Variants in SDC2 observed in about 807,000 individuals in gnomAD.
The protein encoded by SDC2 is syndecan-2.
In SDC2, 13 loss-of-function variants were observed where a neutral mutation model predicts 22.2. The ratio of observed to expected loss-of-function variants is 0.59; its 90% CI spans 0.38 to 0.93. The LOEUF (loss-of-function observed/expected upper bound fraction) is 0.93, where lower values mean the gene tolerates loss of function less well. SDC2 is among the 40% of genes least tolerant of loss of function. The pLI is 0.00. For synonymous variants in SDC2, 94 were observed against 92.8 expected, an observed-to-expected ratio of 1.01 and a Z score of -0.07; for missense variants, 235 against 246.8, an observed-to-expected ratio of 0.95 and a Z score of 0.32.
intron 1 of SDC2, among the ~76,000 whole-genome samples, chr8:96,502,156 G>A (rs1044667255): frequency 6.6e-6 from 1 of 152,188 alleles, no homozygotes; most frequent in African/African-American, 2.4e-5. Flanking sequence ...CAATCATGGT[G>A]GAAGGCAAAG....
chr8:96,588,839 G>A (rs374934769), intron 1 of SDC2, among the ~76,000 whole-genome samples: 11 of 152,210 alleles, frequency 7.2e-5, no homozygotes, highest in African/African-American at 2.7e-4. Context: ...TGCTTAGTAG[G>A]TAAGGCGTTG....
rs182895342 is a variant in SDC2 at position 96,496,207 on chromosome 8, G to C, written c.60+1876G>C. Among the ~76,000 whole-genome samples the C allele has an allele frequency of 2.6e-5, 4 of 152,178 alleles. No homozygotes were observed. In the East Asian group the frequency reaches 7.7e-4, roughly 29 times the overall value. ...CTGTCTTCTGCTCCTCTGGGTTTTT[G>C]CATAAATCTACCAGTGCTCCTTAAG... On this transcript the variant is annotated intron_variant, in intron 1 of 4. Coordinates refer to ENST00000302190, the MANE Select transcript of SDC2 (RefSeq NM_002998.4).
chr8:96,515,251 T>C (rs1021307771), intron 1 of SDC2, among the ~76,000 whole-genome samples: 2 of 152,236 alleles, frequency 1.3e-5, no homozygotes, highest in Non-Finnish European at 2.9e-5. Context: ...AATGAAGTTT[T>C]TAAAATTCCA....
chr8:96,541,536 G>A (rs546590263), intron 1 of SDC2, among the ~76,000 whole-genome samples: 1 of 147,502 alleles, frequency 6.8e-6, no homozygotes, highest in Non-Finnish European at 1.5e-5. Flanking sequence ...AGGAAATAAT[G>A]CTACAACACG....
intron 4 of SDC2, 123 bp from the exon 5 acceptor site, chr8:96,609,262 T>G: frequency 2.7e-6 from 2 of 751,980 alleles, no homozygotes; most frequent in Non-Finnish European, 4.0e-6. Flanking sequence ...TCCAGCTTTT[T>G]TTTTATTGGG....
chr8:96,494,126 C>G lies in SDC2; in HGVS notation c.-146C>G. On this transcript the variant is annotated 5_prime_UTR_variant, in exon 1 of 5. Transcript: ENST00000302190. ...GGAGGAAGCGAGCGCCCCCGAGCCC[C>G]GAGCCCGAGTCCCCGAGCCTGAGCC... is the stretch of plus-strand genomic sequence containing the variant. 1 of 777,768 alleles carries G rather than the reference C, an allele frequency of 1.3e-6. No homozygotes were observed. The highest frequency in any genetic ancestry group is 2.0e-6 in the Non-Finnish European group (1 of 508,990). 48.2% of individuals were successfully genotyped at this position (777,768 alleles called of 1,614,324 possible).
chr8:96,516,459 C>T (rs745775116), intron 1 of SDC2, among the ~76,000 whole-genome samples: 100 of 152,164 alleles, frequency 6.6e-4, no homozygotes, highest in Non-Finnish European at 1.4e-3. Flanking sequence ...AAAATTCACC[C>T]ATTTAAAGCG....
intron 1 of SDC2, among the ~76,000 whole-genome samples, chr8:96,588,190 G>C (rs1478140983): frequency 6.6e-6 from 1 of 152,194 alleles, no homozygotes; most frequent in African/African-American, 2.4e-5. Flanking sequence ...AGCTAGACCA[G>C]AGGACTTTTG....
At chr8:96,598,544 G>A (rs898015168) in intron 2 of SDC2, among the ~76,000 whole-genome samples, 1 of 152,112 alleles carries the variant, frequency 6.6e-6, no homozygotes, top group African/African-American at 2.4e-5. Context: ...CTTGAACTCG[G>A]GAGGCGGAGG....
intron 1 of SDC2, among the ~76,000 whole-genome samples, chr8:96,575,097 C>T (rs2130591939): frequency 6.6e-6 from 1 of 152,304 alleles, no homozygotes; most frequent in South Asian, 2.1e-4. Context: ...TGCTGTGCAG[C>T]CTGGTTCCTA....
intron 1 of SDC2, among the ~76,000 whole-genome samples, chr8:96,575,216 C>T (rs1446535807): frequency 6.6e-6 from 1 of 152,124 alleles, no homozygotes; most frequent in Admixed American, 6.5e-5. Flanking sequence ...AGATGCAGAG[C>T]CTTCTAAATA....
At chr8:96,517,614 C>G (rs1004461719) in intron 1 of SDC2, among the ~76,000 whole-genome samples, 47 of 152,324 alleles carry the variant, frequency 3.1e-4, no homozygotes, top group African/African-American at 1.1e-3. Context: ...GAATTCTTGG[C>G]ACACTTGTTG....
chr8:96,542,195 C>T lies in SDC2; in HGVS notation c.60+47864C>T, dbSNP rs572660395. ...TGCCGTGGATCATTTTAACCGGCTGCTGCTTTAACTGGTTTGTCTTCTGCT... is the reference window on the plus strand; with the variant it reads ...TGCCGTGGATCATTTTAACCGGCTGTTGCTTTAACTGGTTTGTCTTCTGCT... On this transcript the variant is annotated intron_variant, in intron 1 of 4. Transcript: ENST00000302190. Among the ~76,000 whole-genome samples, 45 of 152,318 alleles carry T rather than the reference C, an allele frequency of 3.0e-4. No individual in the cohort carries two copies. In the South Asian group the frequency reaches 9.1e-3, roughly 31 times the overall value.
At chr8:96,567,635 A>G (rs1387463992) in intron 1 of SDC2, among the ~76,000 whole-genome samples, 1 of 152,210 alleles carries the variant, frequency 6.6e-6, no homozygotes, top group African/African-American at 2.4e-5. Flanking sequence ...ACTTCATTAG[A>G]ATAGTGGCCC....
In SDC2 at chr8:96,609,583, T is replaced by A; in HGVS notation, c.*35T>A. 1 of 1,437,032 alleles carries A rather than the reference T, an allele frequency of 7.0e-7. No homozygotes were observed. 89.0% of individuals were successfully genotyped at this position (1,437,032 alleles called of 1,614,324 possible). ...TTAGTGTCTCTATTTATGAGATCACTGAACTTTTCAAAATAAAGCTTTTGC... is the reference window on the plus strand; with the variant it reads ...TTAGTGTCTCTATTTATGAGATCACAGAACTTTTCAAAATAAAGCTTTTGC... On this transcript the variant is annotated 3_prime_UTR_variant, in exon 5 of 5. Coordinates refer to ENST00000302190, the MANE Select transcript of SDC2 (RefSeq NM_002998.4).
At chr8:96,533,717 C>T (rs922118754) in intron 1 of SDC2, among the ~76,000 whole-genome samples, 5 of 152,194 alleles carry the variant, frequency 3.3e-5, no homozygotes, top group African/African-American at 1.2e-4. Context: ...GGTGTATCTG[C>T]AATCCCTTAG....
At chr8:96,533,129 GT>G (rs1423373983) in intron 1 of SDC2, among the ~76,000 whole-genome samples, 1 of 152,194 alleles carries the variant, frequency 6.6e-6, no homozygotes, top group Non-Finnish European at 1.5e-5. Flanking sequence ...GCAGACCTTC[GT>G]GGTGAGTGTT....
intron 1 of SDC2, among the ~76,000 whole-genome samples, chr8:96,558,561 A>G (rs16894734): frequency 0.18 from 26,656 of 152,088 alleles, 2,725 homozygotes; most frequent in East Asian, 0.48. Flanking sequence ...AATGGATGTG[A>G]TTTTTAAATG....
intron 1 of SDC2, among the ~76,000 whole-genome samples, chr8:96,544,940 A>G (rs1183316738): frequency 6.6e-6 from 1 of 152,230 alleles, no homozygotes; most frequent in African/African-American, 2.4e-5. Context: ...TTATGGGCCT[A>G]CCATTTAGTT....
Sources: gnomAD v4.1 joint callset for allele counts (sites outside exome capture counted in the v4.1 genomes callset) on GRCh38, gnomAD v4.1.1 for gene constraint, MANE v1.5 for transcripts, NCBI Gene and HGNC (gene_info 2026-07-23, HGNC 2026-07-21) for gene names.